Variants in HPSE2 observed in about 807,000 individuals in gnomAD.
The protein encoded by HPSE2 is inactive heparanase-2.
A neutral mutation model predicts 60.5 loss-of-function variants in HPSE2; 38 were observed. The observed-to-expected ratio is 0.63, with a 90% CI of 0.48 to 0.82. The LOEUF (loss-of-function observed/expected upper bound fraction) is 0.82, where lower values mean the gene tolerates loss of function less well. Among genes scored for constraint, HPSE2 ranks in the 40% least tolerant of loss-of-function variants. The pLI is 0.00. For missense variants in HPSE2, 713 were observed against 740.4 expected (o/e 0.96, Z 0.43); for synonymous variants, 295 against 293.2 (o/e 1.01, Z -0.06).
At chr10:98,498,253 T>G (rs981670347) in intron 9 of HPSE2, among the ~76,000 whole-genome samples, 1 of 152,170 alleles carries the variant, frequency 6.6e-6, no homozygotes, top group African/African-American at 2.4e-5. Context: ...CTGCAGGACC[T>G]GGGAGACACC....
chr10:99,230,920 C>A (rs1849623112), intron 2 of HPSE2, among the ~76,000 whole-genome samples: 1 of 152,182 alleles, frequency 6.6e-6, no homozygotes, highest in Non-Finnish European at 1.5e-5. Flanking sequence ...GGTTCTGGGT[C>A]AAATTACCAT....
intron 7 of HPSE2, among the ~76,000 whole-genome samples, chr10:98,634,148 T>C (rs1006451882): frequency 1.3e-5 from 2 of 152,164 alleles, no homozygotes; most frequent in African/African-American, 4.8e-5. Context: ...TCTTCTGCAG[T>C]GTGAACAGCA....
At chr10:99,306,058 A>G in the HPSE2 span, among the ~76,000 whole-genome samples, 1 of 151,342 alleles carries the variant, frequency 6.6e-6, no homozygotes, top group South Asian at 2.1e-4. Context: ...GAGAGAAGAA[A>G]AAAAATGAAG....
At chr10:98,741,771 C>G (rs748515032) in intron 4 of HPSE2, among the ~76,000 whole-genome samples, 1 of 152,192 alleles carries the variant, frequency 6.6e-6, no homozygotes, top group Non-Finnish European at 1.5e-5. Context: ...CATGTATTCT[C>G]CAGTTCAACA....
At chr10:99,202,233 A>C (rs1311173793) in intron 2 of HPSE2, among the ~76,000 whole-genome samples, 1 of 152,214 alleles carries the variant, frequency 6.6e-6, no homozygotes, top group Admixed American at 6.5e-5. Flanking sequence ...CCAGGAACAG[A>C]GATGATGAAA....
intron 9 of HPSE2, among the ~76,000 whole-genome samples, chr10:98,586,322 A>G (rs1460104235): frequency 6.6e-6 from 1 of 152,050 alleles, no homozygotes; most frequent in Non-Finnish European, 1.5e-5. Context: ...TACCACCAAC[A>G]GCTATGTTCC....
chr10:98,615,861 C>G (rs1945892549), intron 8 of HPSE2, among the ~76,000 whole-genome samples: 1 of 152,134 alleles, frequency 6.6e-6, no homozygotes, highest in African/African-American at 2.4e-5. Context: ...GAGATTCAGT[C>G]TTCTCTATAT....
At position 98,852,113 on chromosome 10, in the gene HPSE2, A is replaced by ATGTGTGTG. The variant is rs1555017138; in HGVS notation, c.611-108065_611-108058dup. Among the ~76,000 whole-genome samples, 232 of 91,896 alleles carry ATGTGTGTG rather than the reference A, an allele frequency of 2.5e-3. 2 individuals carry two copies. The highest frequency in any genetic ancestry group is 6.3e-3 in the African/African-American group (137 of 21,760). The allele number at this position is 91,896 out of a possible 152,430, so 60.3% of individuals were successfully genotyped here. A position where few individuals can be genotyped will look rare whatever the true frequency, so the allele number is the denominator to read the frequency against. ...GGTTTTGCAAACCTTGTATATTATG[A>ATGTGTGTG]TGTGTGTGTGTGTGTGTGTGTGTGT... On this transcript the variant is annotated intron_variant, in intron 3 of 11. Transcript: ENST00000370552.
At chr10:99,138,579 C>T (rs997971010) in intron 3 of HPSE2, among the ~76,000 whole-genome samples, 1 of 152,166 alleles carries the variant, frequency 6.6e-6, no homozygotes, top group Non-Finnish European at 1.5e-5. Context: ...AGGATGAGTT[C>T]ATGTCCTTTG....
intron 3 of HPSE2, among the ~76,000 whole-genome samples, chr10:98,765,917 AGC>A (rs1461893778): frequency 1.3e-5 from 2 of 152,146 alleles, no homozygotes; most frequent in African/African-American, 4.8e-5. Flanking sequence ...TAAAAAGAAA[AGC>A]AAATAAAATC....
the HPSE2 span, among the ~76,000 whole-genome samples, chr10:99,242,270 A>G: frequency 6.6e-6 from 1 of 152,210 alleles, no homozygotes. Flanking sequence ...AAAATACCTG[A>G]GAATTTTTAT....
At position 99,232,229 on chromosome 10, in the gene HPSE2, A is replaced by G. The variant is rs1412127347; in HGVS notation, c.448+119T>C. 436 of 1,195,954 alleles carry G rather than the reference A, an allele frequency of 3.6e-4. No individual in the cohort carries two copies. The East Asian group carries it at 4.4e-3, about 12-fold the overall frequency. The allele number at this position is 1,195,954 out of a possible 1,614,324, so 74.1% of individuals were successfully genotyped here. ...CGCGCGCGCATACACACACACACAC[A>G]CACACACACACACACACACACACAC... On this transcript the variant is annotated intron_variant, in intron 2 of 11. Coordinates refer to ENST00000370552, the MANE Select transcript of HPSE2 (RefSeq NM_021828.5).
At position 99,043,325 on chromosome 10, in the gene HPSE2, A is replaced by G. The variant is rs374220623; in HGVS notation, c.610+100913T>C. Among the ~76,000 whole-genome samples, 51 of 152,218 alleles carry G rather than the reference A, an allele frequency of 3.4e-4. 1 individual carries two copies. The East Asian group carries it at 9.5e-3, about 28-fold the overall frequency. Reference sequence around the variant, plus strand: ...CGGTGAAACCCCATCTCTACTAAAAATACAAAAAATTAGCTGGGCGTGGTG... The same window carrying G: ...CGGTGAAACCCCATCTCTACTAAAAGTACAAAAAATTAGCTGGGCGTGGTG... On this transcript the variant is annotated intron_variant, in intron 3 of 11. Transcript: ENST00000370552.
intron 6 of HPSE2, among the ~76,000 whole-genome samples, chr10:98,662,216 C>A (rs1947244052): frequency 6.6e-6 from 1 of 152,104 alleles, no homozygotes; most frequent in Non-Finnish European, 1.5e-5. Context: ...TCTTAACGAC[C>A]ATTTGTTGTA....
At chr10:99,229,966 C>T (rs956117212) in intron 2 of HPSE2, among the ~76,000 whole-genome samples, 5 of 152,164 alleles carry the variant, frequency 3.3e-5, no homozygotes, top group African/African-American at 1.2e-4. Flanking sequence ...TTCTGCAATG[C>T]AACATGCAAC....
At chr10:98,632,764 C>T (rs565494535) in intron 7 of HPSE2, among the ~76,000 whole-genome samples, 1 of 152,096 alleles carries the variant, frequency 6.6e-6, no homozygotes, top group African/African-American at 2.4e-5. Flanking sequence ...ACATAATTTG[C>T]AGATTTCCTT....
chr10:98,515,143 A>G (rs1346267496), intron 9 of HPSE2, among the ~76,000 whole-genome samples: 7 of 152,086 alleles, frequency 4.6e-5, no homozygotes, highest in African/African-American at 1.7e-4. Context: ...GCCGACTGAG[A>G]GTGGCTGGAG....
At chr10:98,567,650 A>G (rs1309454940) in intron 9 of HPSE2, among the ~76,000 whole-genome samples, 5 of 151,950 alleles carry the variant, frequency 3.3e-5, no homozygotes, top group African/African-American at 1.2e-4. Flanking sequence ...CAGGCAAAGG[A>G]GGCAACAGGG....
chr10:98,680,942 G>A (rs1489730206), intron 6 of HPSE2, among the ~76,000 whole-genome samples: 1 of 151,842 alleles, frequency 6.6e-6, no homozygotes, highest in Non-Finnish European at 1.5e-5. Flanking sequence ...TTTTAGTAGA[G>A]ACAGGGTTTC....
Sources: allele counts gnomAD v4.1 joint callset (sites outside exome capture counted in the v4.1 genomes callset), GRCh38; gene constraint gnomAD v4.1.1; transcripts MANE v1.5; gene names NCBI Gene and HGNC (gene_info 2026-07-23, HGNC 2026-07-21).